SUGCT: variants seen among roughly 807,000 people sequenced by gnomAD.
The protein encoded by SUGCT is succinyl-CoA:glutarate-CoA transferase, also known as succinyl-CoA:glutarate CoA-transferase.
In SUGCT, 41 loss-of-function variants were observed where a neutral mutation model predicts 55.0. The ratio of observed to expected loss-of-function variants is 0.74; its 90% CI spans 0.58 to 0.97. The LOEUF is 0.97. Ranked by LOEUF, SUGCT falls within the 50% of genes least tolerant of loss-of-function variation. The probability of loss-of-function intolerance (pLI) is 0.00; values close to 1 mark genes in which losing one functional copy is unlikely to be tolerated. For synonymous variants in SUGCT, 187 were observed against 200.4 expected, an observed-to-expected ratio of 0.93 and a Z score of 0.56; for missense variants, 568 against 547.8, an observed-to-expected ratio of 1.04 and a Z score of -0.37.
chr7:40,276,740 C>T (rs185663525), intron 8 of SUGCT, among the ~76,000 whole-genome samples: 9 of 152,048 alleles, frequency 5.9e-5, no homozygotes, highest in Non-Finnish European at 7.4e-5. Flanking sequence ...GGCACAGTGA[C>T]GGCAAACTCA....
At chr7:40,368,450 C>T (rs1784124018) in intron 9 of SUGCT, among the ~76,000 whole-genome samples, 1 of 151,942 alleles carries the variant, frequency 6.6e-6, no homozygotes, top group Non-Finnish European at 1.5e-5. Flanking sequence ...CTCCTCCTTG[C>T]CCTCCCAAAG....
intron 6 of SUGCT, among the ~76,000 whole-genome samples, chr7:40,212,724 AG>A (rs1468295469): frequency 6.6e-6 from 1 of 152,098 alleles, no homozygotes; most frequent in Non-Finnish European, 1.5e-5. Flanking sequence ...TAGTACAGAC[AG>A]GGTTTCACCA....
the SUGCT span, among the ~76,000 whole-genome samples, chr7:40,909,541 T>C: frequency 6.6e-6 from 1 of 152,208 alleles, no homozygotes; most frequent in African/African-American, 2.4e-5. Flanking sequence ...AGACCTTCCT[T>C]TGATGTCACA....
At chr7:40,503,152 T>C (rs1023974850) in intron 12 of SUGCT, among the ~76,000 whole-genome samples, 2 of 152,102 alleles carry the variant, frequency 1.3e-5, no homozygotes, top group African/African-American at 4.8e-5. Flanking sequence ...GAGGCCTAGA[T>C]ACAGAAAACT....
At chr7:40,828,883 G>T (rs1202709744) in intron 13 of SUGCT, among the ~76,000 whole-genome samples, 1 of 152,092 alleles carries the variant, frequency 6.6e-6, no homozygotes, top group Admixed American at 6.6e-5. Context: ...GAAGCGGTTT[G>T]GACCGCATGA....
chr7:40,141,291 A>T (rs1010757254), intron 1 of SUGCT, among the ~76,000 whole-genome samples: 6 of 151,852 alleles, frequency 4.0e-5, no homozygotes, highest in Non-Finnish European at 7.4e-5. Flanking sequence ...TACAGGCATG[A>T]GCCACTGTGC....
At chr7:41,013,884 T>C in the SUGCT span, among the ~76,000 whole-genome samples, 1 of 152,084 alleles carries the variant, frequency 6.6e-6, no homozygotes, top group Non-Finnish European at 1.5e-5. Context: ...TATATGAAAT[T>C]AGTTCGATGA....
chr7:40,573,824 AG>A (rs1796578794), intron 12 of SUGCT, among the ~76,000 whole-genome samples: 2 of 152,180 alleles, frequency 1.3e-5, no homozygotes, highest in Non-Finnish European at 2.9e-5. Flanking sequence ...GGACTTGAGC[AG>A]GTTGTTGACT....
chr7:40,347,800 C>T (rs1797400560), intron 9 of SUGCT, among the ~76,000 whole-genome samples: 1 of 152,210 alleles, frequency 6.6e-6, no homozygotes, highest in South Asian at 2.1e-4. Context: ...TTGTGATAGA[C>T]ATATACAAAC....
At chr7:40,699,502 C>G (rs1785082317) in intron 12 of SUGCT, among the ~76,000 whole-genome samples, 1 of 152,132 alleles carries the variant, frequency 6.6e-6, no homozygotes, top group South Asian at 2.1e-4. Context: ...CTCCCCGTGT[C>G]CTGCAGAGGT....
chr7:40,531,925 C>T (rs1318587679), intron 12 of SUGCT, among the ~76,000 whole-genome samples: 4 of 152,186 alleles, frequency 2.6e-5, no homozygotes, highest in Admixed American at 2.0e-4. Context: ...CCGCCTGCCT[C>T]GGCCTCCCAA....
At chr7:40,794,936 G>T (rs977795141) in intron 13 of SUGCT, among the ~76,000 whole-genome samples, 1 of 151,972 alleles carries the variant, frequency 6.6e-6, no homozygotes, top group Non-Finnish European at 1.5e-5. Flanking sequence ...GATAATACAA[G>T]AATTTATGGG....
At chr7:40,956,574 C>G in the SUGCT span, among the ~76,000 whole-genome samples, 1 of 152,106 alleles carries the variant, frequency 6.6e-6, no homozygotes, top group Non-Finnish European at 1.5e-5. Flanking sequence ...AAACGAGCTC[C>G]TGAATTCATT....
At chr7:40,976,284 C>G in the SUGCT span, among the ~76,000 whole-genome samples, 1 of 152,186 alleles carries the variant, frequency 6.6e-6, no homozygotes, top group Non-Finnish European at 1.5e-5. Context: ...GAGAACAGAG[C>G]TCTTGTCTGA....
chr7:40,596,662 G>T (rs1004187748), intron 12 of SUGCT, among the ~76,000 whole-genome samples: 6 of 152,146 alleles, frequency 3.9e-5, no homozygotes, highest in Non-Finnish European at 7.4e-5. Flanking sequence ...AACACTGGGG[G>T]TCTGGTAGAT....
chr7:40,884,323 T>C, the SUGCT span, among the ~76,000 whole-genome samples: 1 of 152,204 alleles, frequency 6.6e-6, no homozygotes, highest in East Asian at 1.9e-4. Context: ...TTGCTCATGA[T>C]TGAAAAACAT....
the SUGCT span, among the ~76,000 whole-genome samples, chr7:40,993,586 A>C: frequency 6.6e-6 from 1 of 152,188 alleles, no homozygotes; most frequent in South Asian, 2.1e-4. Context: ...AGTTTCCTTC[A>C]TGAGTCTAGG....
chr7:40,367,270 T>TG (rs1233309978), intron 9 of SUGCT, among the ~76,000 whole-genome samples: 3 of 41,788 alleles, frequency 7.2e-5, no homozygotes, highest in Non-Finnish European at 1.3e-4. Context: ...TGTTGTGGGG[T>TG]GGGGGGAGGG....
At chr7:40,402,430 T>A (rs1211793742) in intron 9 of SUGCT, among the ~76,000 whole-genome samples, 1 of 152,196 alleles carries the variant, frequency 6.6e-6, no homozygotes, top group Non-Finnish European at 1.5e-5. Flanking sequence ...ACTGCCTCAA[T>A]TAAGAAAGTC....
Sources: gnomAD v4.1 joint callset for allele counts (sites outside exome capture counted in the v4.1 genomes callset) on GRCh38, gnomAD v4.1.1 for gene constraint, MANE v1.5 for transcripts, NCBI Gene and HGNC (gene_info 2026-07-23, HGNC 2026-07-21) for gene names.